TBC1D30: variants seen among roughly 807,000 people sequenced by gnomAD.
TBC1D30 encodes TBC1 domain family, member 30.
A neutral mutation model predicts 63.2 loss-of-function variants in TBC1D30; 31 were observed. That is an observed-to-expected ratio of 0.49 (90% CI 0.37 to 0.66). The LOEUF is 0.66. Among genes scored for constraint, TBC1D30 ranks in the 30% least tolerant of loss-of-function variants. The pLI is 0.00. For missense variants in TBC1D30, 810 were observed against 953.6 expected (o/e 0.85, Z 1.98); for synonymous variants, 307 against 361.5 (o/e 0.85, Z 1.71).
intron 1 of TBC1D30, among the ~76,000 whole-genome samples, chr12:64,764,800 C>G (rs1270314750): frequency 6.6e-6 from 1 of 152,212 alleles, no homozygotes; most frequent in Non-Finnish European, 1.5e-5. Context: ...AGATGTCTTT[C>G]TGAAACTTTG....
Position 64,828,452 on chromosome 12 carries a change from T to A in TBC1D30, c.225T>A (p.Asp75Glu), listed in dbSNP as rs1192733650. 9 of 1,535,702 alleles carry A rather than the reference T, an allele frequency of 5.9e-6. No homozygotes were observed. Among genetic ancestry groups the A allele is most frequent in the Non-Finnish European group, 7.8e-6 (9 of 1,146,662 alleles). The change falls in exon 3 of 12, where the codon GAT (aspartate) becomes GAA (glutamate). Residue 75 changes from aspartate (D) to glutamate (E), a missense_variant. Asp to Glu is a conservative substitution (Grantham distance 45). Transcript: ENST00000539867. Reference sequence around the variant, plus strand: ...TTCTTCTTTGTTCCTAGTGGTACGATGCTCTCAAGGCAGTTGCCAGGCTAT... The same window carrying A: ...TTCTTCTTTGTTCCTAGTGGTACGAAGCTCTCAAGGCAGTTGCCAGGCTAT... ...LGQNGFQQWY[D>E]ALKAVARLST...
intron 6 of TBC1D30, among the ~76,000 whole-genome samples, chr12:64,837,444 A>G (rs1294035360): frequency 6.6e-6 from 1 of 151,644 alleles, no homozygotes; most frequent in Non-Finnish European, 1.5e-5. Context: ...TGATGGGAGA[A>G]AGTGACGGCT....
At chr12:64,829,486 G>A (rs1874650841) in intron 3 of TBC1D30, among the ~76,000 whole-genome samples, 2 of 152,152 alleles carry the variant, frequency 1.3e-5, no homozygotes, top group Non-Finnish European at 2.9e-5. Flanking sequence ...GGGAGGAGTA[G>A]GTGAGGTGTG....
intron 1 of TBC1D30, chr12:64,768,433 TC>T (rs1870794409): frequency 6.6e-6 from 1 of 152,242 alleles, no homozygotes; most frequent in South Asian, 2.1e-4. Flanking sequence ...CCTCCTGGGC[TC>T]AAGCAATCCT....
At position 64,819,442 on chromosome 12, in the gene TBC1D30, G is replaced by A. The variant is rs552637232; in HGVS notation, c.644-8393G>A. Among the ~76,000 whole-genome samples the A allele has an allele frequency of 1.6e-3, 187 of 119,016 alleles. 2 individuals are homozygous for A. Among genetic ancestry groups the A allele is most frequent in the African/African-American group, 5.9e-3 (183 of 31,256 alleles). The allele number at this position is 119,016 out of a possible 152,430, so 78.1% of individuals were successfully genotyped here. On this transcript the variant is annotated intron_variant, in intron 2 of 12. Coordinates refer to the TBC1D30 transcript ENST00000542120. ...TTTTTTTTTTTTTTTTTGAAATGGA[G>A]TCTCGCTCTGTCACCCAGGCTGCCA...
intron 1 of TBC1D30, among the ~76,000 whole-genome samples, chr12:64,765,151 A>G (rs544891076): frequency 3.9e-5 from 6 of 152,324 alleles, no homozygotes; most frequent in African/African-American, 9.6e-5. Flanking sequence ...TACGAAACCT[A>G]GATATTCAAC....
intron 1 of TBC1D30, among the ~76,000 whole-genome samples, chr12:64,782,074 CT>C (rs1259184255): frequency 1.1e-4 from 17 of 148,602 alleles, no homozygotes; most frequent in Admixed American, 2.7e-4. Flanking sequence ...TCGTGTCACA[CT>C]TTTTTTTTTC....
chr12:64,836,771 C>A, intron 6 of TBC1D30, 113 bp downstream of exon 6: 1 of 1,084,186 alleles, frequency 9.2e-7, no homozygotes, highest in Non-Finnish European at 1.3e-6. Flanking sequence ...TTTGTAAGAG[C>A]TTGGTGTAAT....
chr12:64,781,576 A>G (rs1468594619), intron 1 of TBC1D30, among the ~76,000 whole-genome samples: 5 of 152,126 alleles, frequency 3.3e-5, no homozygotes, highest in African/African-American at 1.2e-4. Context: ...GAGGCAGCCC[A>G]GATTCTAATT....
In TBC1D30 at chr12:64,819,279, T is replaced by G. The variant is rs189720288; in HGVS notation, c.644-8556T>G. Among the ~76,000 whole-genome samples the G allele has an allele frequency of 6.5e-4, 99 of 152,258 alleles. 1 individual carries two copies. Among genetic ancestry groups the G allele is most frequent in the Admixed American group, 1.3e-3 (20 of 15,282 alleles). ...TAGGTAATGTGATCTGTCAAATAAT[T>G]GTAGTTTTTTTCTTCCCCCTCAATT... On this transcript the variant is annotated intron_variant, in intron 2 of 12. Coordinates refer to the TBC1D30 transcript ENST00000542120.
chr12:64,781,407 T>A, intron 1 of TBC1D30: 1 of 952,566 alleles, frequency 1.0e-6, no homozygotes, highest in Non-Finnish European at 1.3e-6. Context: ...ACTGTCTCTT[T>A]GGATCTGACG....
chr12:64,867,299 A>G (rs1313737333), intron 10 of TBC1D30, among the ~76,000 whole-genome samples: 3 of 152,038 alleles, frequency 2.0e-5, no homozygotes, highest in Non-Finnish European at 2.9e-5. Context: ...CCCCGTCTCT[A>G]CTAAAAATAC....
upstream of TBC1D30, among the ~76,000 whole-genome samples, chr12:64,820,357 T>C (rs750667097): frequency 1.3e-5 from 2 of 152,186 alleles, no homozygotes; most frequent in Non-Finnish European, 2.9e-5. Context: ...AGATGCAGGG[T>C]ATGCCGAATG....
At chr12:64,792,902 T>G (rs752451789) in intron 2 of TBC1D30, among the ~76,000 whole-genome samples, 1 of 151,944 alleles carries the variant, frequency 6.6e-6, no homozygotes, top group African/African-American at 2.4e-5. Context: ...ATCAACTAGG[T>G]TGGGGGAGAG....
intron 7 of TBC1D30, among the ~76,000 whole-genome samples, chr12:64,841,766 A>G (rs1349208834): frequency 1.3e-5 from 2 of 152,210 alleles, no homozygotes; most frequent in Non-Finnish European, 2.9e-5. Flanking sequence ...TTCAAAACTC[A>G]TCTCAAGCAT....
At chr12:64,763,411 A>T (rs1236145851) in intron 1 of TBC1D30, among the ~76,000 whole-genome samples, 1 of 152,206 alleles carries the variant, frequency 6.6e-6, no homozygotes, top group Non-Finnish European at 1.5e-5. Flanking sequence ...ATTGACAACA[A>T]AATTATGTGT....
chr12:64,811,193 A>T (rs1004951178), intron 2 of TBC1D30, among the ~76,000 whole-genome samples: 2 of 152,244 alleles, frequency 1.3e-5, no homozygotes, highest in African/African-American at 4.8e-5. Context: ...AGATTTAATG[A>T]GTAAGTGTAA....
chr12:64,802,949 A>G (rs1391442468), intron 2 of TBC1D30, among the ~76,000 whole-genome samples: 13 of 152,338 alleles, frequency 8.5e-5, no homozygotes, highest in African/African-American at 1.9e-4. Flanking sequence ...TAGTGCCGCA[A>G]TAAACATACG....
intron 2 of TBC1D30, among the ~76,000 whole-genome samples, chr12:64,828,144 C>T (rs1874526171): frequency 1.3e-5 from 2 of 152,112 alleles, no homozygotes; most frequent in Admixed American, 1.3e-4. Flanking sequence ...CACACCTGTA[C>T]CATAATGTCT....
Sources: gnomAD v4.1 joint callset for allele counts (sites outside exome capture counted in the v4.1 genomes callset) on GRCh38, gnomAD v4.1.1 for gene constraint, MANE v1.5 for transcripts, NCBI Gene and HGNC (gene_info 2026-07-23, HGNC 2026-07-21) for gene names.